GLI3: variants seen among roughly 807,000 people sequenced by gnomAD.
GLI3 encodes the protein GLI family zinc finger 3.
In GLI3, 20 loss-of-function variants were observed where a neutral mutation model predicts 100.8. The ratio of observed to expected loss-of-function variants is 0.20; its 90% confidence interval spans 0.14 to 0.29. The LOEUF (loss-of-function observed/expected upper bound fraction) is 0.29. Among genes scored for constraint, GLI3 ranks in the 10% least tolerant of loss-of-function variants. The pLI is 1.00. For missense variants in GLI3, 2,040 were observed against 2,128.5 expected (o/e 0.96, Z 0.82); for synonymous variants, 938 against 860.5 (o/e 1.09, Z -1.58).
At chr7:42,090,064 C>T (rs959097272) in intron 3 of GLI3, among the ~76,000 whole-genome samples, 3 of 152,026 alleles carry the variant, frequency 2.0e-5, no homozygotes, top group South Asian at 2.1e-4. Flanking sequence ...AACCGTAACA[C>T]AATGATAAAT....
chr7:41,995,168 G>A (rs1165413300), intron 10 of GLI3, among the ~76,000 whole-genome samples: 9 of 152,206 alleles, frequency 5.9e-5, no homozygotes, highest in Admixed American at 5.9e-4. Context: ...CACAACTGCA[G>A]TACAAGTATC....
At chr7:42,173,601 A>G (rs989139167) in intron 2 of GLI3, among the ~76,000 whole-genome samples, 32 of 152,082 alleles carry the variant, frequency 2.1e-4, no homozygotes, top group Admixed American at 1.1e-3. Context: ...TGATCCTGCC[A>G]GAGTCTGATG....
At chr7:42,135,163 A>G (rs1026604333) in intron 3 of GLI3, among the ~76,000 whole-genome samples, 1 of 152,206 alleles carries the variant, frequency 6.6e-6, no homozygotes, top group Non-Finnish European at 1.5e-5. Flanking sequence ...CCCAAATTAT[A>G]AAATCTAGAA....
At chr7:42,214,507 G>A (rs145843807) in intron 2 of GLI3, among the ~76,000 whole-genome samples, 14 of 132,864 alleles carry the variant, frequency 1.1e-4, no homozygotes, top group East Asian at 2.2e-4. Flanking sequence ...GGAAAGAGTC[G>A]AAGAAAGGGA....
intron 2 of GLI3, among the ~76,000 whole-genome samples, chr7:42,198,766 A>C (rs1787979503): frequency 6.6e-6 from 1 of 152,006 alleles, no homozygotes; most frequent in South Asian, 2.1e-4. Flanking sequence ...ATGCACACAC[A>C]CACATACACA....
chr7:42,215,773 T>G (rs1788364250), intron 2 of GLI3, among the ~76,000 whole-genome samples: 1 of 152,204 alleles, frequency 6.6e-6, no homozygotes, highest in Admixed American at 6.5e-5. Flanking sequence ...TGTGCCAATT[T>G]CAGGACCAGT....
At chr7:42,207,873 C>T (rs568812623) in intron 2 of GLI3, among the ~76,000 whole-genome samples, 1 of 152,284 alleles carries the variant, frequency 6.6e-6, no homozygotes, top group South Asian at 2.1e-4. Context: ...AAAATAAAAG[C>T]ACAGCCGAGC....
At chr7:42,105,151 C>T (rs1461831363) in intron 3 of GLI3, among the ~76,000 whole-genome samples, 2 of 152,130 alleles carry the variant, frequency 1.3e-5, no homozygotes, top group African/African-American at 4.8e-5. Flanking sequence ...AGTCCTGAAG[C>T]CGTGTGTTTC....
intron 2 of GLI3, among the ~76,000 whole-genome samples, chr7:42,207,149 A>G (rs1241563184): frequency 2.0e-5 from 3 of 152,348 alleles, no homozygotes; most frequent in Middle Eastern, 3.4e-3. Flanking sequence ...CTAGGAGACA[A>G]TAATTCCACT....
At chr7:42,240,627 T>C (rs1788914921), upstream of GLI3, among the ~76,000 whole-genome samples, 1 of 152,188 alleles carries the variant, frequency 6.6e-6, no homozygotes, top group Admixed American at 6.5e-5. Context: ...TGGCTTCTCT[T>C]CTTATAAAAG....
At chr7:42,239,997 G>T (rs1788908213), upstream of GLI3, among the ~76,000 whole-genome samples, 2 of 152,134 alleles carry the variant, frequency 1.3e-5, no homozygotes, top group Non-Finnish European at 2.9e-5. Context: ...GGTTGAAATT[G>T]GAGTGAGGTC....
At chr7:42,071,474 C>T (rs939881873) in intron 4 of GLI3, among the ~76,000 whole-genome samples, 1 of 152,052 alleles carries the variant, frequency 6.6e-6, no homozygotes, top group Admixed American at 6.6e-5. Context: ...AAGAATGCAA[C>T]GAATGAAATC....
chr7:42,117,965 A>G (rs28661551), intron 3 of GLI3, among the ~76,000 whole-genome samples: 15,540 of 152,210 alleles, frequency 0.1, 1,689 homozygotes, highest in African/African-American at 0.27. Context: ...TGACGGTAAA[A>G]TTCATTATCT....
At chr7:42,202,369 CA>C (rs1788061538) in intron 2 of GLI3, among the ~76,000 whole-genome samples, 3 of 151,560 alleles carry the variant, frequency 2.0e-5, no homozygotes, top group Admixed American at 6.6e-5. Flanking sequence ...CACACACACA[CA>C]CACACACACA....
upstream of GLI3, among the ~76,000 whole-genome samples, chr7:42,264,237 C>T (rs1229374651): frequency 6.6e-6 from 1 of 152,172 alleles, no homozygotes; most frequent in African/African-American, 2.4e-5. Context: ...ACCATGAATG[C>T]CAGTTAGGGC....
At chr7:42,241,424 G>A (rs1386578403), upstream of GLI3, among the ~76,000 whole-genome samples, 1 of 152,110 alleles carries the variant, frequency 6.6e-6, no homozygotes, top group African/African-American at 2.4e-5. Context: ...CACTTTGCCA[G>A]CCAGCCTGCA....
At chr7:42,235,814 G>C (rs1788779517) in intron 1 of GLI3, among the ~76,000 whole-genome samples, 1 of 152,222 alleles carries the variant, frequency 6.6e-6, no homozygotes, top group South Asian at 2.1e-4. Context: ...GTGGCAGCTG[G>C]AAAATGTGGA....
rs764685241 is a variant in GLI3 at position 41,965,281 on chromosome 7, G to C, written c.3792C>G (p.Ala1264=). Residue 1264 remains alanine (A), a synonymous_variant, in exon 15 of 15, where the codon GCC becomes GCG. Transcript: ENST00000395925. ...CACAGGCACCGTCGAGTGCACCAGG[G>C]GCCACTGGCTGCCTGTTGAGACAGT... is the stretch of plus-strand genomic sequence containing the variant. ...YGNCLNRQPV[A]PGALDGACGA... The C allele has an allele frequency of 6.2e-7, 1 of 1,613,684 alleles. No homozygotes were observed. Among genetic ancestry groups the C allele is most frequent in the South Asian group, 1.1e-5 (1 of 91,064 alleles).
intron 10 of GLI3, among the ~76,000 whole-genome samples, chr7:41,999,693 G>A (rs1057511361): frequency 5.3e-5 from 8 of 152,164 alleles, no homozygotes; most frequent in African/African-American, 1.4e-4. Context: ...ACTCCTTGGC[G>A]ACCTTGAATT....
Sources: allele counts gnomAD v4.1 joint callset (sites outside exome capture counted in the v4.1 genomes callset), GRCh38; gene constraint gnomAD v4.1.1; transcripts MANE v1.5; gene names NCBI Gene and HGNC (gene_info 2026-07-23, HGNC 2026-07-21).